Variants in CEP128 observed in about 807,000 individuals in gnomAD.
CEP128 encodes the protein centrosomal protein 128kDa.
CEP128 carries 132 observed loss-of-function variants against 156.7 expected under a neutral mutation model. The observed-to-expected ratio is 0.84, with a 90% CI of 0.73 to 0.97. CEP128 has a LOEUF of 0.97. Ranked by LOEUF, CEP128 falls within the 50% of genes least tolerant of loss-of-function variation. CEP128 has a pLI of 0.00. For synonymous variants in CEP128, 469 were observed against 448.9 expected, an observed-to-expected ratio of 1.04 and a Z score of -0.57; for missense variants, 1,252 against 1,281.9, an observed-to-expected ratio of 0.98 and a Z score of 0.36.
intron 19 of CEP128, among the ~76,000 whole-genome samples, chr14:80,627,328 G>A (rs1393711111): frequency 2.0e-5 from 3 of 152,220 alleles, no homozygotes; most frequent in South Asian, 2.1e-4. Context: ...AGCATATTCT[G>A]CTTAAGAATG....
chr14:80,512,238 T>C (rs1326739743), intron 23 of CEP128, among the ~76,000 whole-genome samples: 1 of 152,100 alleles, frequency 6.6e-6, no homozygotes, highest in Non-Finnish European at 1.5e-5. Flanking sequence ...ATTGGCTTTA[T>C]ATATCTGGGT....
At chr14:80,920,754 T>C (rs929767067) in intron 2 of CEP128, among the ~76,000 whole-genome samples, 2 of 152,186 alleles carry the variant, frequency 1.3e-5, no homozygotes, top group Admixed American at 6.5e-5. Flanking sequence ...GACTATGTAA[T>C]TGTTTTCTTT....
chr14:80,764,155 T>C (rs1900107859), intron 16 of CEP128, among the ~76,000 whole-genome samples: 1 of 152,170 alleles, frequency 6.6e-6, no homozygotes, highest in Non-Finnish European at 1.5e-5. Context: ...AGAATGTTGA[T>C]ATTGTCAGAA....
intron 19 of CEP128, among the ~76,000 whole-genome samples, chr14:80,721,998 T>C (rs1319367658): frequency 1.3e-5 from 2 of 152,230 alleles, no homozygotes; most frequent in African/African-American, 4.8e-5. Flanking sequence ...TGCTGTCATG[T>C]GGTTTATAGT....
At chr14:80,618,887 T>C (rs1018669032) in intron 19 of CEP128, among the ~76,000 whole-genome samples, 2 of 152,316 alleles carry the variant, frequency 1.3e-5, no homozygotes, top group African/African-American at 4.8e-5. Context: ...TCCCAGGTAA[T>C]GCTGATGCTA....
intron 20 of CEP128, among the ~76,000 whole-genome samples, chr14:80,563,394 T>C (rs748452344): frequency 2.0e-5 from 3 of 152,142 alleles, no homozygotes; most frequent in African/African-American, 7.2e-5. Context: ...GGTAATAGAC[T>C]TTGAGAGTCT....
intron 2 of CEP128, among the ~76,000 whole-genome samples, chr14:80,917,346 C>A (rs576066322): frequency 1.3e-5 from 2 of 152,156 alleles, no homozygotes; most frequent in South Asian, 4.2e-4. Context: ...AAGTTCAGAA[C>A]AAAGAAGCAT....
intron 19 of CEP128, among the ~76,000 whole-genome samples, chr14:80,672,621 C>T (rs1317771295): frequency 6.6e-6 from 1 of 152,108 alleles, no homozygotes; most frequent in East Asian, 1.9e-4. Flanking sequence ...TTTTCACTGT[C>T]AACTACAGAC....
intron 14 of CEP128, among the ~76,000 whole-genome samples, chr14:80,791,014 T>C (rs1352006527): frequency 5.9e-5 from 9 of 152,084 alleles, no homozygotes; most frequent in Non-Finnish European, 1.3e-4. Flanking sequence ...GCCCTAAAAA[T>C]CAAAAAGAAA....
chr14:80,627,940 T>C (rs1311191806), intron 19 of CEP128, among the ~76,000 whole-genome samples: 1 of 152,170 alleles, frequency 6.6e-6, no homozygotes, highest in African/African-American at 2.4e-5. Context: ...TCAAGTGACC[T>C]AACCCATTCA....
chr14:80,926,341 C>T (rs573359788), intron 2 of CEP128, among the ~76,000 whole-genome samples: 66 of 152,300 alleles, frequency 4.3e-4, no homozygotes, highest in African/African-American at 1.5e-3. Flanking sequence ...ACCTGCCTTG[C>T]CAAGTTCATG....
chr14:80,723,809 G>A (rs1897912962), intron 19 of CEP128, among the ~76,000 whole-genome samples: 1 of 152,172 alleles, frequency 6.6e-6, no homozygotes, highest in Admixed American at 6.5e-5. Flanking sequence ...ACCATACAAA[G>A]CCCACTTCAC....
chr14:80,928,172 A>G, intron 2 of CEP128, among the ~76,000 whole-genome samples: 1 of 152,230 alleles, frequency 6.6e-6, no homozygotes, highest in Non-Finnish European at 1.5e-5. Context: ...TAATTAGAAG[A>G]AACAGTCTAC....
At position 80,792,786 on chromosome 14, in the gene CEP128, C is replaced by G; in HGVS notation, c.1534G>C (p.Asp512His). 6.2e-7 allele frequency: 1 copy of G among 1,614,066 alleles called. No homozygotes were observed. Among genetic ancestry groups the G allele is most frequent in the Non-Finnish European group, 8.5e-7 (1 of 1,179,960 alleles). Residue 512 changes from aspartate to histidine, a missense_variant, in exon 14 of 25, where the codon GAT becomes CAT. Coordinates refer to ENST00000555265, the MANE Select transcript of CEP128 (RefSeq NM_152446.5). Reference sequence around the variant, plus strand: ...TGATTATTCTTGCCTGTCAGTTCATCAACAGTTTCAGATTGTTTCTCCAAC... The same window carrying G: ...TGATTATTCTTGCCTGTCAGTTCATGAACAGTTTCAGATTGTTTCTCCAAC... ...RALEKQSETV[D>H]ELTGKNNQIL...
intron 9 of CEP128, among the ~76,000 whole-genome samples, chr14:80,844,881 C>CAAAT (rs1200511074): frequency 6.6e-6 from 1 of 151,750 alleles, no homozygotes; most frequent in African/African-American, 2.4e-5. Flanking sequence ...CTCCAATGAA[C>CAAAT]AAACTTCTTG....
rs572777637 is a variant in CEP128 at position 80,515,697 on chromosome 14, C to T, written c.3073-10677G>A. The stretch of plus-strand genomic sequence containing the variant: ...AATCAGGGTCCCCACTCTGCCTGAG[C>T]TGTTGCCCAAGCTGCAAGACAAAGT... On this transcript the variant is annotated intron_variant, in intron 23 of 24. Transcript: ENST00000555265. 6.6e-5 allele frequency among the ~76,000 whole-genome samples: 10 copies of T among 152,296 alleles called. No homozygotes were observed. The South Asian group carries it at 2.1e-3, about 32-fold the overall frequency.
intron 20 of CEP128, among the ~76,000 whole-genome samples, chr14:80,565,885 G>C (rs879025925): frequency 6.6e-6 from 1 of 152,112 alleles, no homozygotes; most frequent in Admixed American, 6.6e-5. Flanking sequence ...AAAGTCTAGT[G>C]ACTTTATTTT....
intron 16 of CEP128, among the ~76,000 whole-genome samples, chr14:80,773,998 C>T (rs1172768493): frequency 6.6e-6 from 1 of 152,136 alleles, no homozygotes; most frequent in East Asian, 1.9e-4. Flanking sequence ...CACTCGTTCT[C>T]TTTGTCATGT....
At chr14:80,486,900 G>C (rs528594926), downstream of CEP128, among the ~76,000 whole-genome samples, 1 of 152,032 alleles carries the variant, frequency 6.6e-6, no homozygotes, top group Non-Finnish European at 1.5e-5. Context: ...AGGAACAACC[G>C]GTACCGGCCA....
Sources: allele counts gnomAD v4.1 joint callset (sites outside exome capture counted in the v4.1 genomes callset), GRCh38; gene constraint gnomAD v4.1.1; transcripts MANE v1.5; gene names NCBI Gene and HGNC (gene_info 2026-07-23, HGNC 2026-07-21).